OPHN1: variants seen among roughly 807,000 people sequenced by gnomAD.
The protein encoded by OPHN1 is oligophrenin 1, also known as oligophrenin-1.
In OPHN1, 11 loss-of-function variants were observed where a neutral mutation model predicts 60.7. That is an observed-to-expected ratio of 0.18 (90% confidence interval 0.11 to 0.30). The LOEUF (loss-of-function observed/expected upper bound fraction) is 0.30, where lower values mean the gene tolerates loss of function less well. OPHN1 is among the 10% of genes least tolerant of loss of function. The pLI is 1.00. For missense variants in OPHN1, 449 were observed against 611.0 expected (o/e 0.73, Z 2.80); for synonymous variants, 226 against 222.6 (o/e 1.02, Z -0.14).
intron 2 of OPHN1, among the ~76,000 whole-genome samples, chrX:68,313,037 G>A (rs781161503): frequency 1.8e-5 from 2 of 111,000 alleles, no homozygotes; most frequent in African/African-American, 3.3e-5. Flanking sequence ...CCAGGAGCTC[G>A]ATGTTGCAGT....
At chrX:68,279,401 G>A (rs1244233688) in intron 4 of OPHN1, among the ~76,000 whole-genome samples, 3 of 108,968 alleles carry the variant, frequency 2.8e-5, no homozygotes, top group African/African-American at 6.7e-5. Context: ...GTGAGCCACC[G>A]CACCCAGCCC....
intron 18 of OPHN1, among the ~76,000 whole-genome samples, chrX:68,111,023 G>T (rs1202236234): frequency 8.9e-6 from 1 of 111,914 alleles, no homozygotes; most frequent in Non-Finnish European, 1.9e-5. Flanking sequence ...CTCCAAATGA[G>T]GTTAAAATGT....
intron 21 of OPHN1, among the ~76,000 whole-genome samples, chrX:68,062,096 C>G (rs2076895403): frequency 8.9e-6 from 1 of 111,946 alleles, no homozygotes. Context: ...TGTGACACTG[C>G]TCCACCAAGT....
At chrX:68,257,103 C>A (rs370591749) in intron 5 of OPHN1, among the ~76,000 whole-genome samples, 3 of 110,652 alleles carry the variant, frequency 2.7e-5, no homozygotes, top group African/African-American at 9.9e-5. Flanking sequence ...GACTACAGTA[C>A]GGTGTAAATG....
chrX:68,285,637 C>A (rs777293394), intron 3 of OPHN1, among the ~76,000 whole-genome samples: 1 of 110,854 alleles, frequency 9.0e-6, no homozygotes, highest in East Asian at 2.8e-4. Context: ...CTGAGGTTCT[C>A]ATTCTGTATA....
chrX:68,294,473 CAAAAAAAA>C (rs570989143), intron 3 of OPHN1, among the ~76,000 whole-genome samples: 48 of 10,651 alleles, frequency 4.5e-3, no homozygotes, highest in African/African-American at 6.2e-3. Flanking sequence ...GACTCTATCA[CAAAAAAAA>C]AAAAAAAAAA....
chrX:68,156,215 G>A (rs372579171), intron 15 of OPHN1, among the ~76,000 whole-genome samples: 2 of 107,904 alleles, frequency 1.9e-5, no homozygotes, highest in East Asian at 2.9e-4. Flanking sequence ...AAATCTTTTG[G>A]CAACCTAAAT....
chrX:68,341,967 TG>T (rs749343665), intron 2 of OPHN1, among the ~76,000 whole-genome samples: 1 of 101,061 alleles, frequency 9.9e-6, no homozygotes, highest in Non-Finnish European at 1.9e-5. Context: ...TAATTTTTGG[TG>T]TTTTTTTTTT....
chrX:68,346,026 G>A (rs2078377521), intron 2 of OPHN1, among the ~76,000 whole-genome samples: 1 of 111,724 alleles, frequency 9.0e-6, no homozygotes, highest in Non-Finnish European at 1.9e-5. Flanking sequence ...CTACTAGGGG[G>A]CTGAGGTGGG....
intron 15 of OPHN1, among the ~76,000 whole-genome samples, chrX:68,181,660 A>G (rs368590315): frequency 1.8e-5 from 2 of 110,402 alleles, no homozygotes; most frequent in Non-Finnish European, 3.8e-5. Context: ...CACTGTCTCT[A>G]CTAAAAATTT....
intron 19 of OPHN1, among the ~76,000 whole-genome samples, chrX:68,074,561 C>T (rs1310435030): frequency 9.0e-6 from 1 of 111,505 alleles, no homozygotes; most frequent in African/African-American, 3.3e-5. Context: ...GACTGATCTT[C>T]CTTCAGATAT....
At chrX:68,254,541 A>G (rs2077851930) in intron 5 of OPHN1, among the ~76,000 whole-genome samples, 1 of 111,005 alleles carries the variant, frequency 9.0e-6, no homozygotes, top group Non-Finnish European at 1.9e-5. Flanking sequence ...TTCTCCAAAA[A>G]AAAGTGAGCC....
intron 2 of OPHN1, among the ~76,000 whole-genome samples, chrX:68,415,903 G>A (rs1278600097): frequency 9.3e-6 from 1 of 107,442 alleles, no homozygotes; most frequent in East Asian, 2.9e-4. Context: ...TAGTCCCAGC[G>A]ACTCGGGAGG....
intron 2 of OPHN1, among the ~76,000 whole-genome samples, chrX:68,365,038 C>T (rs1462326734): frequency 8.9e-6 from 1 of 112,090 alleles, no homozygotes; most frequent in Admixed American, 9.6e-5. Context: ...CAATAGTAAA[C>T]TTCAGCTATG....
chrX:68,141,936 G>C, intron 15 of OPHN1, among the ~76,000 whole-genome samples: 1 of 106,653 alleles, frequency 9.4e-6, no homozygotes, highest in East Asian at 3.0e-4. Context: ...AAGAAAGAAA[G>C]AAAGAAAGAA....
At position 68,044,582 on chromosome X, in the gene OPHN1, T is replaced by C. The variant is rs1455471440; in HGVS notation, c.*2590A>G. The C allele has an allele frequency of 2.7e-5, 3 of 112,726 alleles. No homozygotes were observed. Among genetic ancestry groups the C allele is most frequent in the East Asian group, 5.6e-4 (2 of 3,592 alleles). The allele number at this position is 112,726 out of a possible 1,213,427, so 9.3% of individuals were successfully genotyped here. A position where few individuals can be genotyped will look rare whatever the true frequency, so the allele number is the denominator to read the frequency against. On this transcript the variant is annotated 3_prime_UTR_variant, in exon 25 of 25. Transcript: ENST00000355520. ...CTCTTCTATTATCACCCTCTTCCCA[T>C]AGCCTCTGCAAAATGACTGCCCATC... is the stretch of plus-strand genomic sequence containing the variant.
At chrX:68,419,374 C>T (rs1207997872) in intron 2 of OPHN1, among the ~76,000 whole-genome samples, 2 of 109,441 alleles carry the variant, frequency 1.8e-5, no homozygotes, top group Non-Finnish European at 3.8e-5. Flanking sequence ...TGGCACCCCG[C>T]ACTTCCCCAT....
chrX:68,317,376 A>AAAGG lies in OPHN1; in HGVS notation c.155-18284_155-18281dup, dbSNP rs771749142. On this transcript the variant is annotated intron_variant, in intron 2 of 24. Transcript: ENST00000355520. ...GAAAGAAAGAAAGAAAGAAAGAAAG[A>AAAGG]AAGGAAGGAAGGAAGGAAGGAAGGA... Among the ~76,000 whole-genome samples the AAAGG allele has an allele frequency of 7.4e-3, 375 of 50,533 alleles. 4 individuals carry two copies. The highest frequency in any genetic ancestry group is 0.011 in the African/African-American group (100 of 9,333). 43.9% of individuals were successfully genotyped at this position (50,533 alleles called of 115,157 possible). A position where few individuals can be genotyped will look rare whatever the true frequency, so the allele number is the denominator to read the frequency against.
chrX:68,334,320 C>T (rs1244090674), intron 2 of OPHN1, among the ~76,000 whole-genome samples: 1 of 112,074 alleles, frequency 8.9e-6, no homozygotes, highest in East Asian at 2.8e-4. Context: ...ATGACTTCCC[C>T]TAAGTCAAAG....
Sources: gnomAD v4.1 joint callset for allele counts (sites outside exome capture counted in the v4.1 genomes callset) on GRCh38, gnomAD v4.1.1 for gene constraint, MANE v1.5 for transcripts, NCBI Gene and HGNC (gene_info 2026-07-23, HGNC 2026-07-21) for gene names.